DHX37: variants seen among roughly 807,000 people sequenced by gnomAD.
DHX37 encodes probable ATP-dependent RNA helicase DHX37.
Under a neutral mutation model 134.3 loss-of-function variants are expected in DHX37, and 52 were observed. The observed-to-expected ratio is 0.39, with a 90% CI of 0.31 to 0.49. DHX37 has a LOEUF of 0.49. DHX37 is among the 20% of genes least tolerant of loss of function. The pLI, the probability that DHX37 is intolerant of heterozygous loss-of-function variation, is 0.93. For synonymous variants in DHX37, 634 were observed against 670.7 expected, an observed-to-expected ratio of 0.95 and a Z score of 0.85; for missense variants, 1,344 against 1,580.8, an observed-to-expected ratio of 0.85 and a Z score of 2.54.
rs755454035 is a variant in DHX37 at position 124,953,881 on chromosome 12, T to C, written c.2694A>G (p.Ala898=). The C allele has an allele frequency of 1.9e-6, 3 of 1,611,230 alleles. No individual in the cohort carries two copies. Among genetic ancestry groups the C allele is most frequent in the South Asian group, 2.2e-5 (2 of 90,910 alleles). The change falls in exon 20 of 27, where the codon GCA becomes GCG. Residue 898 remains alanine (A), a splice_region_variant and synonymous_variant. Coordinates refer to ENST00000308736, the MANE Select transcript of DHX37 (RefSeq NM_032656.4). The part of the protein sequence containing the change: ...IRRLRGQLTT[A]VNAVCPEAEL... ...CGGCGTGCCGGCACGGGGCCGTACC[T>C]GCGGTGGTCAGCTGGCCCCGCAGGC... is the stretch of plus-strand genomic sequence containing the variant.
At chr12:124,970,816 T>C (rs1403913132) in intron 8 of DHX37, among the ~76,000 whole-genome samples, 4 of 152,194 alleles carry the variant, frequency 2.6e-5, no homozygotes, top group Admixed American at 2.0e-4. Flanking sequence ...ACAGGCCTAC[T>C]GCATGAAGCC....
At position 124,988,899 on chromosome 12, in the gene DHX37, G is replaced by T; in HGVS notation, c.106+18C>A. On this transcript the variant is annotated intron_variant, in intron 1 of 26. Coordinates refer to ENST00000308736, the MANE Select transcript of DHX37 (RefSeq NM_032656.4). ...TGGGAAATCTCCGAAATCCAGCCCC[G>T]GTCCGGGGATGTCTTACCCTCCAGT... 7.7e-7 allele frequency: 1 copy of T among 1,306,242 alleles called. No individual in the cohort carries two copies. Among genetic ancestry groups the T allele is most frequent in the South Asian group, 2.8e-5 (1 of 35,466 alleles). 80.9% of individuals were successfully genotyped at this position (1,306,242 alleles called of 1,614,324 possible).
chr12:124,959,073 CT>C (rs1188884814), intron 16 of DHX37, among the ~76,000 whole-genome samples: 96 of 115,752 alleles, frequency 8.3e-4, no homozygotes, highest in Admixed American at 2.4e-3. Context: ...CCACACCTGG[CT>C]TTTTTTTTTT....
intron 6 of DHX37, among the ~76,000 whole-genome samples, chr12:124,975,212 T>C (rs962370813): frequency 6.6e-6 from 1 of 152,208 alleles, no homozygotes; most frequent in African/African-American, 2.4e-5. Context: ...CGGCACACTG[T>C]GCAGGACGTA....
intron 23 of DHX37, 33 bp from the exon 24 acceptor site, chr12:124,950,276 T>G (rs1337724643): frequency 6.2e-7 from 1 of 1,611,886 alleles, no homozygotes; most frequent in Non-Finnish European, 8.5e-7. Flanking sequence ...ACAGGGACCC[T>G]CCTGCAGCTG....
intron 2 of DHX37, 134 bp from the exon 3 acceptor site, chr12:124,982,757 C>T: frequency 8.1e-7 from 1 of 1,239,206 alleles, no homozygotes; most frequent in South Asian, 1.4e-5. Context: ...TGCAATTCTA[C>T]TGGTGCATGG....
chr12:124,967,501 C>T (rs2135949171), intron 10 of DHX37, among the ~76,000 whole-genome samples: 1 of 152,352 alleles, frequency 6.6e-6, no homozygotes, highest in South Asian at 2.1e-4. Context: ...GCACACCACA[C>T]TCACGACAGT....
chr12:124,963,878 CAAAAAAAAAAAAAAAA>C (rs71092251), intron 15 of DHX37, among the ~76,000 whole-genome samples: 2 of 91,664 alleles, frequency 2.2e-5, no homozygotes, highest in Non-Finnish European at 4.9e-5. Flanking sequence ...AGACTCGTCT[CAAAAAAAAAAAAAAAA>C]AAAAAAAAAA....
Position 124,975,519 on chromosome 12 carries a change from A to T in DHX37, c.888-8T>A. 2 of 1,611,686 alleles carry T rather than the reference A, an allele frequency of 1.2e-6. No homozygotes were observed. The highest frequency in any genetic ancestry group is 1.7e-6 in the Non-Finnish European group (2 of 1,179,880). ...CCGATGATGCTGTCTTCACTGGGGG[A>T]GGAAGAACATGGCCATCAACAGTGC... On this transcript the variant is annotated splice_polypyrimidine_tract_variant and splice_region_variant and intron_variant, in intron 5 of 26. Coordinates refer to ENST00000308736, the MANE Select transcript of DHX37 (RefSeq NM_032656.4).
At chr12:124,981,346 A>T (rs1174562957) in intron 3 of DHX37, among the ~76,000 whole-genome samples, 1 of 140,588 alleles carries the variant, frequency 7.1e-6, no homozygotes, top group Non-Finnish European at 1.6e-5. Flanking sequence ...GAGACCACAG[A>T]GTGGGGTGGG....
Position 124,950,559 on chromosome 12 carries a change from CG to C in DHX37, c.2984-10del. On this transcript the variant is annotated splice_polypyrimidine_tract_variant and intron_variant, in intron 22 of 26. Coordinates refer to ENST00000308736, the MANE Select transcript of DHX37 (RefSeq NM_032656.4). ...CTCCACGCTAGAGACGCCTGGGGGC[CG>C]GGGGAGGAAGCTGGGGTTACAGCGG... The C allele has an allele frequency of 6.5e-7, 1 of 1,545,676 alleles. No homozygotes were observed.
chr12:124,960,328 G>C lies in DHX37; in HGVS notation c.2141C>G (p.Ala714Gly). 6.2e-7 allele frequency: 1 copy of C among 1,613,706 alleles called. No individual in the cohort carries two copies. Among genetic ancestry groups the C allele is most frequent in the Non-Finnish European group, 8.5e-7 (1 of 1,179,710 alleles). ...PVEDLILQMK[A>G]LNVEKVINFP... is the part of the protein sequence containing the mutation. ...GCAACTGACCTTTTCAACGTTGAGC[G>C]CCTTCATTTGAAGGATTAAGTCTTC... Residue 714 changes from alanine (A) to glycine (G), a missense_variant, in exon 16 of 27, where the codon GCG becomes GGG. This residue lies in a region of DHX37 where 558 missense variants were observed against 650.0 expected (regional missense o/e 0.86). Coordinates refer to ENST00000308736, the MANE Select transcript of DHX37 (RefSeq NM_032656.4).
intron 16 of DHX37, 77 bp from the exon 17 acceptor site, chr12:124,957,212 G>T (rs1954117223): frequency 5.2e-6 from 7 of 1,338,066 alleles, no homozygotes; most frequent in Admixed American, 2.8e-5. Context: ...GTCTGTGGCA[G>T]GCACTCCCTC....
At chr12:124,952,755 C>T (rs74368825) in intron 20 of DHX37, 185 bp from the exon 21 acceptor site, 11,180 of 467,158 alleles carry the variant, frequency 0.024, 192 homozygotes, top group Middle Eastern at 0.033. Context: ...GCCGCCCCCC[C>T]ATTCCCTCCT....
At chr12:124,964,280 G>C in intron 15 of DHX37, 114 bp downstream of exon 15, 1 of 1,500,578 alleles carries the variant, frequency 6.7e-7, no homozygotes, top group African/African-American at 1.4e-5. Flanking sequence ...CAGGGGCCCG[G>C]CAGGACACGG....
Position 124,986,089 on chromosome 12 carries a change from G to A in DHX37, c.276+7C>T. ...CCACTTGCAGACCCTGCCCGAGTGGGGTGTACCTGGCTCTTTTTCTCCTTC... is the reference window on the plus strand; with the variant it reads ...CCACTTGCAGACCCTGCCCGAGTGGAGTGTACCTGGCTCTTTTTCTCCTTC... On this transcript the variant is annotated splice_region_variant and intron_variant, in intron 2 of 26. Coordinates refer to ENST00000308736, the MANE Select transcript of DHX37 (RefSeq NM_032656.4). The A allele has an allele frequency of 6.2e-7, 1 of 1,613,458 alleles. No homozygotes were observed. The highest frequency in any genetic ancestry group is 8.5e-7 in the Non-Finnish European group (1 of 1,179,948).
At chr12:124,966,281 T>A (rs1398269434) in intron 12 of DHX37, among the ~76,000 whole-genome samples, 3 of 152,236 alleles carry the variant, frequency 2.0e-5, no homozygotes, top group Non-Finnish European at 4.4e-5. Context: ...TTGGTCAGGT[T>A]GGACTTGAAC....
intron 15 of DHX37, among the ~76,000 whole-genome samples, chr12:124,962,863 G>A (rs574632411): frequency 6.6e-6 from 1 of 152,092 alleles, no homozygotes; most frequent in African/African-American, 2.4e-5. Flanking sequence ...AAAAGTGCTG[G>A]TGAGGACGTG....
At chr12:124,988,676 G>A (rs1285738892) in intron 1 of DHX37, among the ~76,000 whole-genome samples, 1 of 151,504 alleles carries the variant, frequency 6.6e-6, no homozygotes, top group Admixed American at 6.6e-5. Flanking sequence ...TGTTTTTTTT[G>A]CCAAATTCTC....
Sources: gnomAD v4.1 joint callset for allele counts (sites outside exome capture counted in the v4.1 genomes callset) on GRCh38, gnomAD v4.1.1 for gene constraint, gnomAD v4.1.1 regional missense constraint, MANE v1.5 for transcripts, NCBI Gene and HGNC (gene_info 2026-07-23, HGNC 2026-07-21) for gene names.